The following REXO5 variants were observed in gnomAD, a reference collection of about 807,000 sequenced individuals.
REXO5 encodes RNA exonuclease 5, also known as exonuclease NEF-sp.
In REXO5, 48 loss-of-function variants were observed where a neutral mutation model predicts 88.5. That is an observed-to-expected ratio of 0.54 (90% confidence interval 0.43 to 0.69). The LOEUF is 0.69. Ranked by LOEUF, REXO5 falls within the 30% of genes least tolerant of loss-of-function variation. The pLI is 0.00. For synonymous variants in REXO5, 311 were observed against 336.5 expected (o/e 0.92, Z 0.83); for missense variants, 749 against 912.2 (o/e 0.82, Z 2.30).
At chr16:20,810,237 C>T (rs537597731) in intron 2 of REXO5, among the ~76,000 whole-genome samples, 23 of 152,106 alleles carry the variant, frequency 1.5e-4, no homozygotes, top group Non-Finnish European at 2.8e-4. Flanking sequence ...AAGATTACGT[C>T]CCAATAAATC....
chr16:20,846,684 A>G (rs565986621), intron 19 of REXO5, among the ~76,000 whole-genome samples: 1 of 152,290 alleles, frequency 6.6e-6, no homozygotes, highest in Non-Finnish European at 1.5e-5. Context: ...ACCACTCTAC[A>G]TGTGAGGAAT....
chr16:20,821,364 G>T (rs1182555678), intron 5 of REXO5, among the ~76,000 whole-genome samples: 1 of 152,180 alleles, frequency 6.6e-6, no homozygotes, highest in Non-Finnish European at 1.5e-5. Context: ...TCGGCTCACT[G>T]CAAGCTCTGC....
In REXO5 at chr16:20,828,466, C is replaced by T; in HGVS notation, c.1087C>T (p.His363Tyr). ...KDIQCPDRLG[H>Y]DATEDARTIL... ...TATACAGTGTCCAGACAGACTTGGTCATGATGCCACAGAAGATGCTAGAAC... is the reference window on the plus strand; with the variant it reads ...TATACAGTGTCCAGACAGACTTGGTTATGATGCCACAGAAGATGCTAGAAC... Residue 363 changes from histidine (H) to tyrosine (Y), a missense_variant, in exon 11 of 20, where the codon CAT (histidine) becomes TAT (tyrosine). His to Tyr is a moderately conservative substitution (Grantham distance 83). Transcript: ENST00000261377. The T allele has an allele frequency of 1.2e-6, 2 of 1,613,744 alleles. No homozygotes were observed. The highest frequency in any genetic ancestry group is 2.2e-5 in the South Asian group (2 of 91,036).
chr16:20,813,248 T>C lies in REXO5; in HGVS notation c.197T>C (p.Leu66Pro). The change falls in exon 3 of 20, where the codon CTG becomes CCG. Residue 66 changes from leucine to proline, a missense_variant. Leu to Pro is a moderately conservative substitution (Grantham distance 98). Coordinates refer to ENST00000261377, the MANE Select transcript of REXO5 (RefSeq NM_030941.3). Reference sequence around the variant, plus strand: ...AACTGTGAAGTAACCCATGACCAGCTGTGTGAATTGCTGAAGTATGCAGTT... The same window carrying C: ...AACTGTGAAGTAACCCATGACCAGCCGTGTGAATTGCTGAAGTATGCAGTT... ...TDNCEVTHDQ[L>P]CELLKYAVLG... 6.2e-7 allele frequency: 1 copy of C among 1,613,996 alleles called. No individual in the cohort carries two copies. Among genetic ancestry groups the C allele is most frequent in the Non-Finnish European group, 8.5e-7 (1 of 1,179,954 alleles).
At position 20,843,960 on chromosome 16, in the gene REXO5, C is replaced by T. The variant is rs370607885; in HGVS notation, c.1653C>T (p.Val551=). ...CTCATCTCTGTATACAGTATGAAGT[C>T]CTAGAAGCTGCCCAGCTGGCCATAG... ...RQPHLCIQYE[V]LEAAQLAIES... is the part of the protein sequence containing the mutation. The change falls in exon 16 of 20, where the codon GTC becomes GTT. Residue 551 remains valine (V), a synonymous_variant. Coordinates refer to ENST00000261377, the MANE Select transcript of REXO5 (RefSeq NM_030941.3). 3.9e-5 allele frequency: 63 copies of T among 1,607,600 alleles called. No homozygotes were observed. In the African/African-American group the frequency reaches 7.2e-4, roughly 18 times the overall value.
chr16:20,812,640 T>A (rs143353753), intron 2 of REXO5, among the ~76,000 whole-genome samples: 1 of 152,314 alleles, frequency 6.6e-6, no homozygotes, highest in East Asian at 1.9e-4. Context: ...CGCATTGATC[T>A]ATGATCTGGC....
At position 20,845,176 on chromosome 16, in the gene REXO5, C is replaced by T. The variant is rs747763640; in HGVS notation, c.2059C>T (p.Pro687Ser). The T allele has an allele frequency of 1.9e-5, 31 of 1,613,906 alleles. No homozygotes were observed. Among genetic ancestry groups the T allele is most frequent in the Non-Finnish European group, 2.6e-5 (31 of 1,179,934 alleles). ...HLHAWLRGLP[P>S]ESTRLPGLRV... The stretch of plus-strand genomic sequence containing the variant: ...CCATGCCTGGCTCAGAGGCTTACCA[C>T]CTGAATCAACAAGGCTCCCAGGGCT... The change falls in exon 18 of 20, where the codon CCT (proline) becomes TCT (serine). Residue 687 changes from proline to serine, a missense_variant. By Grantham distance (74) the Pro-to-Ser change is moderately conservative (BLOSUM62 -1). Transcript: ENST00000261377.
chr16:20,825,081 C>G (rs546167414), intron 7 of REXO5, among the ~76,000 whole-genome samples: 26 of 152,070 alleles, frequency 1.7e-4, no homozygotes, highest in African/African-American at 6.3e-4. Context: ...GAAGTTGATT[C>G]CTTGTGTTTG....
chr16:20,839,461 C>T (rs1300716654), intron 13 of REXO5, among the ~76,000 whole-genome samples: 1 of 151,860 alleles, frequency 6.6e-6, no homozygotes, highest in East Asian at 1.9e-4. Flanking sequence ...GTGGGAGTTA[C>T]ACTTATTTAT....
chr16:20,822,708 C>G (rs1375050541), intron 6 of REXO5, among the ~76,000 whole-genome samples: 1 of 152,196 alleles, frequency 6.6e-6, no homozygotes, highest in Non-Finnish European at 1.5e-5. Context: ...GCATAATGTT[C>G]TCAAGCTTCA....
At chr16:20,830,070 A>C (rs1261962057) in intron 11 of REXO5, among the ~76,000 whole-genome samples, 1 of 152,194 alleles carries the variant, frequency 6.6e-6, no homozygotes, top group African/African-American at 2.4e-5. Context: ...AAATCACTAC[A>C]ATAGGTTCTA....
At chr16:20,816,301 C>G in intron 5 of REXO5, 89 bp downstream of exon 5, 1 of 1,105,608 alleles carries the variant, frequency 9.0e-7, no homozygotes, top group Middle Eastern at 2.0e-4. Flanking sequence ...AAACTCAATT[C>G]TAACTAGCTT....
In REXO5 at chr16:20,827,401, C is replaced by T. The variant is rs2081275874; in HGVS notation, c.1009C>T (p.Gln337Ter). ...IDTSLLYVRE[Q>*]GRRFKLKFLA... ...TACATCGTTGCTTTATGTCAGAGAGCAGGGCAGAAGATTTAAGCTCAAGTT... is the reference window on the plus strand; with the variant it reads ...TACATCGTTGCTTTATGTCAGAGAGTAGGGCAGAAGATTTAAGCTCAAGTT... The change falls in exon 10 of 20, where the codon CAG (glutamine) becomes TAG (stop). Residue 337 changes from glutamine to a stop codon, truncating the protein, a stop_gained. Transcript: ENST00000261377. LOFTEE classifies it high-confidence loss of function. The T allele has an allele frequency of 6.2e-7, 1 of 1,613,432 alleles. No homozygotes were observed. The highest frequency in any genetic ancestry group is 8.5e-7 in the Non-Finnish European group (1 of 1,179,850).
At chr16:20,810,302 C>T (rs1407066428) in intron 2 of REXO5, among the ~76,000 whole-genome samples, 1 of 152,176 alleles carries the variant, frequency 6.6e-6, no homozygotes, top group African/African-American at 2.4e-5. Context: ...CACATACTTA[C>T]ATTTAAATAT....
At position 20,846,289 on chromosome 16, in the gene REXO5, C is replaced by T. The variant is rs1421788413; in HGVS notation, c.2193C>T (p.Asn731=). ...GCCGGAAGATTGGAAAGCTCTACAA[C>T]AGCTTGTGCCCGGGCACTCTCTGCC... ...RWSRKIGKLY[N]SLCPGTLCLI... Residue 731 remains asparagine (N), a synonymous_variant, in exon 19 of 20, where the codon AAC becomes AAT. Transcript: ENST00000261377. 8 of 1,613,960 alleles carry T rather than the reference C, an allele frequency of 5.0e-6. No homozygotes were observed. Among genetic ancestry groups the T allele is most frequent in the African/African-American group, 4.0e-5 (3 of 74,914 alleles).
chr16:20,832,493 CA>C lies in REXO5; in HGVS notation c.1262+248del, dbSNP rs199601332. Among the ~76,000 whole-genome samples the C allele has an allele frequency of 8.9e-3, 1,071 of 120,268 alleles. 4 individuals are homozygous for C. Among genetic ancestry groups the C allele is most frequent in the Middle Eastern group, 0.037 (9 of 242 alleles). 78.9% of individuals were successfully genotyped at this position (120,268 alleles called of 152,430 possible). A position where few individuals can be genotyped will look rare whatever the true frequency, so the allele number is the denominator to read the frequency against. ...GCTGGTCTAAAATGATATCCTTGAT[CA>C]AAAAAAAAAAAAAGAAAAAATAATT... On this transcript the variant is annotated intron_variant, in intron 12 of 19. Transcript: ENST00000261377.
intron 15 of REXO5, among the ~76,000 whole-genome samples, chr16:20,842,478 G>GT (rs201370873): frequency 0.056 from 7,466 of 132,806 alleles, 201 homozygotes; most frequent in Middle Eastern, 0.13. Context: ...CCTTTGTTTT[G>GT]TTTGTTTTTT....
chr16:20,847,840 C>T (rs866259777), intron 19 of REXO5, among the ~76,000 whole-genome samples: 2 of 152,136 alleles, frequency 1.3e-5, no homozygotes, highest in African/African-American at 2.4e-5. Context: ...CATGTTCTCA[C>T]GTAGAATACT....
At chr16:20,842,484 T>TTG (rs2081544230) in intron 15 of REXO5, among the ~76,000 whole-genome samples, 1 of 149,272 alleles carries the variant, frequency 6.7e-6, no homozygotes, top group African/African-American at 2.4e-5. Context: ...TTTTGTTTGT[T>TTG]TTTTTTTTTT....
Sources: allele counts gnomAD v4.1 joint callset (sites outside exome capture counted in the v4.1 genomes callset), GRCh38; gene constraint gnomAD v4.1.1; transcripts MANE v1.5; gene names NCBI Gene and HGNC (gene_info 2026-07-23, HGNC 2026-07-21).